SLC28A1: variants seen among roughly 807,000 people sequenced by gnomAD.
SLC28A1 encodes sodium/nucleoside cotransporter 1.
In SLC28A1, 64 loss-of-function variants were observed where a neutral mutation model predicts 74.8. That is an observed-to-expected ratio of 0.86 (90% confidence interval 0.70 to 1.05). The LOEUF (loss-of-function observed/expected upper bound fraction) is 1.05, where lower values mean the gene tolerates loss of function less well. SLC28A1 is among the 50% of genes least tolerant of loss of function. The pLI, the probability that SLC28A1 is intolerant of heterozygous loss-of-function variation, is 0.00. For synonymous variants in SLC28A1, 359 were observed against 335.0 expected (o/e 1.07, Z -0.78); for missense variants, 828 against 822.8 (o/e 1.01, Z -0.08).
intron 11 of SLC28A1, among the ~76,000 whole-genome samples, chr15:84,923,097 C>T (rs1260266191): frequency 6.6e-6 from 1 of 152,096 alleles, no homozygotes; most frequent in Non-Finnish European, 1.5e-5. Context: ...GTCAGCATGC[C>T]CGGCTAATTT....
chr15:84,914,056 C>T (rs956640366), intron 9 of SLC28A1, among the ~76,000 whole-genome samples: 3 of 152,220 alleles, frequency 2.0e-5, no homozygotes, highest in African/African-American at 7.2e-5. Flanking sequence ...TCAAGTGATC[C>T]TCCTGCCTCA....
chr15:84,926,083 A>G lies in SLC28A1; in HGVS notation c.1083+1973A>G, dbSNP rs1302654336. Among the ~76,000 whole-genome samples the G allele has an allele frequency of 3.4e-5, 5 of 147,678 alleles. No homozygotes were observed. The East Asian group carries it at 9.7e-4, about 29-fold the overall frequency. ...TTTATTCTATATATAATATTTTATT[A>G]TTTTATCATATATCACTTTTAATTT... On this transcript the variant is annotated intron_variant, in intron 12 of 18. Coordinates refer to ENST00000394573, the MANE Select transcript of SLC28A1 (RefSeq NM_004213.5).
intron 9 of SLC28A1, among the ~76,000 whole-genome samples, chr15:84,910,374 TC>T (rs1967970531): frequency 6.6e-6 from 1 of 152,184 alleles, no homozygotes; most frequent in Admixed American, 6.5e-5. Context: ...AAGGTCTGCT[TC>T]AGGGTGACCT....
At chr15:84,936,250 T>TTTGGG (rs1596348138) in intron 15 of SLC28A1, among the ~76,000 whole-genome samples, 1 of 147,728 alleles carries the variant, frequency 6.8e-6, no homozygotes, top group Admixed American at 6.8e-5. Context: ...GCTGTTTTGG[T>TTTGGG]TTGGTTTGGT....
chr15:84,935,966 T>G (rs1006599447), intron 15 of SLC28A1, among the ~76,000 whole-genome samples: 2 of 142,532 alleles, frequency 1.4e-5, no homozygotes, highest in African/African-American at 2.6e-5. Context: ...TTTTTTTTTT[T>G]TTTTTTGAGA....
intron 5 of SLC28A1, 35 bp downstream of exon 5, chr15:84,890,569 T>A: frequency 6.6e-7 from 1 of 1,509,406 alleles, no homozygotes; most frequent in South Asian, 1.2e-5. Flanking sequence ...CAGGACACAA[T>A]GACTCCTGCC....
intron 1 of SLC28A1, 127 bp downstream of exon 1, chr15:84,884,878 C>A: frequency 3.9e-6 from 1 of 255,470 alleles, no homozygotes; most frequent in Non-Finnish European, 6.2e-6. Flanking sequence ...TTGGCGAAGA[C>A]CCCTTCGAGG....
intron 2 of SLC28A1, 67 bp from the exon 3 acceptor site, chr15:84,887,678 G>T: frequency 6.3e-7 from 1 of 1,585,070 alleles, no homozygotes; most frequent in Non-Finnish European, 8.6e-7. Flanking sequence ...CCCTTTCCCC[G>T]GGCCCCTAAA....
chr15:84,897,267 T>C (rs1596228388), intron 6 of SLC28A1, among the ~76,000 whole-genome samples: 1 of 149,642 alleles, frequency 6.7e-6, no homozygotes. Flanking sequence ...GCGCCTGTAA[T>C]TGCAGCTACT....
intron 6 of SLC28A1, among the ~76,000 whole-genome samples, chr15:84,897,383 C>T (rs946184233): frequency 6.6e-6 from 1 of 151,710 alleles, no homozygotes; most frequent in Non-Finnish European, 1.5e-5. Context: ...GAGACTCCGT[C>T]TCAGAAAAAA....
At chr15:84,923,435 A>G (rs1596314744) in intron 11 of SLC28A1, among the ~76,000 whole-genome samples, 2 of 152,284 alleles carry the variant, frequency 1.3e-5, no homozygotes, top group East Asian at 1.9e-4. Flanking sequence ...CCTATTCTAT[A>G]TAACAGTGCC....
At chr15:84,933,452 A>G (rs1332884608) in intron 13 of SLC28A1, among the ~76,000 whole-genome samples, 177 bp downstream of exon 13, 1 of 152,146 alleles carries the variant, frequency 6.6e-6, no homozygotes, top group Admixed American at 6.5e-5. Flanking sequence ...TGTTGCTTAT[A>G]ACAGAAATCC....
At position 84,935,545 on chromosome 15, in the gene SLC28A1, G is replaced by A. The variant is rs760762543; in HGVS notation, c.1581+27G>A. 6 of 1,595,072 alleles carry A rather than the reference G, an allele frequency of 3.8e-6. No individual in the cohort carries two copies. In the East Asian group the frequency reaches 8.9e-5, roughly 24 times the overall value. On this transcript the variant is annotated intron_variant, in intron 15 of 18. Coordinates refer to ENST00000394573, the MANE Select transcript of SLC28A1 (RefSeq NM_004213.5). The stretch of plus-strand genomic sequence containing the variant: ...TGAGTGTCCCAGTCCCTTCCCTGCA[G>A]CAGGGGGATGACACGGCACAGCCAC...
At chr15:84,946,307 A>G (rs774381669), downstream of SLC28A1, among the ~76,000 whole-genome samples, 9 of 150,810 alleles carry the variant, frequency 6.0e-5, no homozygotes, top group African/African-American at 1.5e-4. Flanking sequence ...GTGGAATACA[A>G]CTTGGGAAAT....
chr15:84,904,346 C>G (rs1966857997), intron 7 of SLC28A1, 108 bp downstream of exon 7: 1 of 1,536,140 alleles, frequency 6.5e-7, no homozygotes, highest in Middle Eastern at 1.7e-4. Context: ...TTGGGAGAGC[C>G]CTGGAGGCTC....
chr15:84,921,092 C>G, intron 11 of SLC28A1, 23 bp downstream of exon 11: 1 of 1,576,976 alleles, frequency 6.3e-7, no homozygotes, highest in Non-Finnish European at 8.7e-7. Context: ...GCCTCCTACC[C>G]TCATGCTCAT....
At position 84,895,007 on chromosome 15, in the gene SLC28A1, C is replaced by T; in HGVS notation, c.345C>T (p.Leu115=). ...DFQRALALFV[L]TCVVLTFLGH... ...AGAGGGCCCTGGCTCTGTTTGTCCT[C>T]ACCTGTGTGGTCCTCACCTTCCTGG... The change falls in exon 6 of 19, where the codon CTC becomes CTT. Residue 115 remains leucine (L), a synonymous_variant. Transcript: ENST00000394573. The T allele has an allele frequency of 1.2e-6, 2 of 1,614,216 alleles. No individual in the cohort carries two copies. The highest frequency in any genetic ancestry group is 2.2e-5 in the South Asian group (2 of 91,088).
intron 9 of SLC28A1, among the ~76,000 whole-genome samples, chr15:84,916,292 A>G (rs1596298488): frequency 7.2e-6 from 1 of 139,398 alleles, no homozygotes; most frequent in African/African-American, 2.7e-5. Flanking sequence ...TCTGGGCTGT[A>G]GTGCAGTGGC....
chr15:84,925,011 C>T (rs1970318732), intron 12 of SLC28A1, among the ~76,000 whole-genome samples: 1 of 150,458 alleles, frequency 6.6e-6, no homozygotes, highest in Non-Finnish European at 1.5e-5. Context: ...AGCGTTTCTC[C>T]TGCCTCAGCG....
Sources: allele counts gnomAD v4.1 joint callset (sites outside exome capture counted in the v4.1 genomes callset), GRCh38; gene constraint gnomAD v4.1.1; transcripts MANE v1.5; gene names NCBI Gene and HGNC (gene_info 2026-07-23, HGNC 2026-07-21).